The following SLC44A4 variants were observed in gnomAD, a reference collection of about 807,000 sequenced individuals.
SLC44A4 encodes the protein solute carrier family 44 member 4.
In SLC44A4, 74 loss-of-function variants were observed where a neutral mutation model predicts 97.0. The observed-to-expected ratio is 0.76, with a 90% CI of 0.63 to 0.93. The LOEUF (loss-of-function observed/expected upper bound fraction) is 0.93, where lower values mean the gene tolerates loss of function less well. Ranked by LOEUF, SLC44A4 falls within the 40% of genes least tolerant of loss-of-function variation. The pLI is 0.00. For missense variants in SLC44A4, 799 were observed against 902.9 expected (o/e 0.88, Z 1.48); for synonymous variants, 325 against 363.8 (o/e 0.89, Z 1.21).
chr6:31,874,417 A>G lies in SLC44A4; in HGVS notation c.529+43T>C. On this transcript the variant is annotated intron_variant, in intron 7 of 20. Transcript: ENST00000229729. The surrounding 1 kb of genome is among the most constrained non-coding windows in gnomAD (Gnocchi z 4.8). ...ATTTCTTCATTCAAGCAATGAAAAC[A>G]CTGGACTAGATGACGTCTGAGGAAG... is the stretch of plus-strand genomic sequence containing the variant. 6.2e-7 allele frequency: 1 copy of G among 1,601,644 alleles called. No individual in the cohort carries two copies. Among genetic ancestry groups the G allele is most frequent in the South Asian group, 1.1e-5 (1 of 90,820 alleles).
Position 31,864,826 on chromosome 6 carries a change from A to T in SLC44A4, c.1916T>A (p.Leu639Gln). Residue 639 changes from leucine (L) to glutamine (Q), a missense_variant, in exon 19 of 21, where the codon CTG becomes CAG. Physicochemically the swap from Leu to Gln is moderately radical, Grantham distance 113. Transcript: ENST00000229729. ...AGGGGAGTCACTCACCATGATGGGCAGCCAGTAATAGTTGAGGTGGGGGCT... is the reference window on the plus strand; with the variant it reads ...AGGGGAGTCACTCACCATGATGGGCTGCCAGTAATAGTTGAGGTGGGGGCT... ...FKSPHLNYYW[L>Q]PIMTSILGAY... is the part of the protein sequence containing the mutation. 2.5e-6 allele frequency: 4 copies of T among 1,614,106 alleles called. No homozygotes were observed. The South Asian group carries it at 4.4e-5, about 18-fold the overall frequency.
intron 13 of SLC44A4, among the ~76,000 whole-genome samples, chr6:31,868,572 C>T (rs1389975374): frequency 6.6e-6 from 1 of 152,166 alleles, no homozygotes; most frequent in African/African-American, 2.4e-5. Flanking sequence ...TACCTGACTA[C>T]ATCGGGGCAA....
intron 7 of SLC44A4, among the ~76,000 whole-genome samples, chr6:31,871,789 C>T (rs1763192818): frequency 6.6e-6 from 1 of 152,128 alleles, no homozygotes; most frequent in African/African-American, 2.4e-5. Flanking sequence ...TCTCCGCTGG[C>T]CTCAACTCTT....
Position 31,865,406 on chromosome 6 carries a change from G to T in SLC44A4, c.1687-18C>A. ...ATGGCGATCTGAGGGAGGTGGAAAG[G>T]TCAGAGTTACCAAGGCGAGCTGCCT... On this transcript the variant is annotated intron_variant, in intron 16 of 20. Transcript: ENST00000229729. The surrounding 1 kb of genome is among the most constrained non-coding windows in gnomAD (Gnocchi z 5.2). The T allele has an allele frequency of 6.2e-7, 1 of 1,614,026 alleles. No individual in the cohort carries two copies. Among genetic ancestry groups the T allele is most frequent in the Non-Finnish European group, 8.5e-7 (1 of 1,179,938 alleles).
intron 13 of SLC44A4, among the ~76,000 whole-genome samples, chr6:31,867,242 G>A (rs1041676309): frequency 2.0e-5 from 3 of 151,250 alleles, no homozygotes; most frequent in Non-Finnish European, 4.4e-5. Context: ...ACCATGCCTG[G>A]CTAATCAAAA....
At chr6:31,864,509 G>C in intron 20 of SLC44A4, 143 bp downstream of exon 20, 2 of 753,024 alleles carry the variant, frequency 2.7e-6, no homozygotes, top group East Asian at 5.1e-5. Flanking sequence ...CCTGGCCTCA[G>C]GATGTCACAA....
intron 11 of SLC44A4, 120 bp from the exon 12 acceptor site, chr6:31,869,757 G>A (rs1017323268): frequency 5.6e-6 from 4 of 711,618 alleles, no homozygotes; most frequent in African/African-American, 3.5e-5. Context: ...AGGCTGAGGC[G>A]GGCGGATCAC....
At chr6:31,870,101 C>CT (rs1481399412) in intron 11 of SLC44A4, among the ~76,000 whole-genome samples, 1 of 152,214 alleles carries the variant, frequency 6.6e-6, no homozygotes, top group African/African-American at 2.4e-5. Context: ...TCCTCAGGGC[C>CT]TGGTGCAGGG....
rs1272917508 is a variant in SLC44A4, at chr6:31,865,279, G to A, written c.1760+36C>T. On this transcript the variant is annotated intron_variant, in intron 17 of 20. Transcript: ENST00000229729. The surrounding 1 kb of genome is among the most constrained non-coding windows in gnomAD (Gnocchi z 5.2). ...AGCCAGCCTTGGGTGGGAGATCAGAGGAGGGAGCCACAAAGCGGGGGGGGA... is the reference window on the plus strand; with the variant it reads ...AGCCAGCCTTGGGTGGGAGATCAGAAGAGGGAGCCACAAAGCGGGGGGGGA... The A allele has an allele frequency of 6.2e-7, 1 of 1,612,446 alleles. No homozygotes were observed. The highest frequency in any genetic ancestry group is 2.2e-5 in the East Asian group (1 of 44,888).
chr6:31,874,609 C>T lies in SLC44A4; in HGVS notation c.469-89G>A. 6 of 1,567,842 alleles carry T rather than the reference C, an allele frequency of 3.8e-6. No individual in the cohort carries two copies. The highest frequency in any genetic ancestry group is 2.2e-5 in the East Asian group (1 of 44,612). ...ACCACCACCATGGGGCTCAGCCTGT[C>T]CCACACTCCCCAGGAGAGCCAACCT... On this transcript the variant is annotated intron_variant, in intron 6 of 20. Coordinates refer to ENST00000229729, the MANE Select transcript of SLC44A4 (RefSeq NM_025257.3). The surrounding 1 kb of genome is among the most constrained non-coding windows in gnomAD (Gnocchi z 4.8).
intron 4 of SLC44A4, among the ~76,000 whole-genome samples, chr6:31,875,313 C>A (rs759171469): frequency 6.6e-6 from 1 of 152,182 alleles, no homozygotes; most frequent in African/African-American, 2.4e-5. Context: ...CACCTGTTCT[C>A]GGTCTTAGTT....
At chr6:31,871,595 C>T (rs759240202) in intron 7 of SLC44A4, 34 bp from the exon 8 acceptor site, 11 of 1,551,720 alleles carry the variant, frequency 7.1e-6, no homozygotes, top group Non-Finnish European at 9.8e-6. Context: ...GGGTTGGGGG[C>T]CAGGAGCTCT....
At chr6:31,863,836 C>T in intron 20 of SLC44A4, 88 bp from the exon 21 acceptor site, 3 of 1,554,376 alleles carry the variant, frequency 1.9e-6, no homozygotes, top group South Asian at 1.2e-5. Flanking sequence ...ATTTGGAATC[C>T]AAGCTGCACC....
In SLC44A4 at chr6:31,878,921, G is replaced by T; in HGVS notation, c.40+20C>A. 1 of 1,613,550 alleles carries T rather than the reference G, an allele frequency of 6.2e-7. No individual in the cohort carries two copies. The highest frequency in any genetic ancestry group is 8.5e-7 in the Non-Finnish European group (1 of 1,179,736). On this transcript the variant is annotated intron_variant, in intron 1 of 20. Coordinates refer to ENST00000229729, the MANE Select transcript of SLC44A4 (RefSeq NM_025257.3). This position sits in a 1 kb window ranked among gnomAD's most constrained non-coding sequence, Gnocchi z 4.0. ...TCCTCCCCTCCCTCCACAGGGTCCC[G>T]GGCCTCGCCCCAGTCTCACCGTAGG...
Position 31,870,900 on chromosome 6 carries a change from C to CA in SLC44A4, c.848dup (p.Arg284AlafsTer37), listed in dbSNP as rs758227766. On this transcript the variant is annotated frameshift_variant, in exon 10 of 21. Transcript: ENST00000229729. LOFTEE classifies it high-confidence loss of function. ...GGGAGATGGAGGCGCCCTTGTCCCGCAGCACTCGGTACTCCTCCCAGCAGT... is the reference window on the plus strand; with the variant it reads ...GGGAGATGGAGGCGCCCTTGTCCCGCAAGCACTCGGTACTCCTCCCAGCAGT... 6.2e-7 allele frequency: 1 copy of CA among 1,613,040 alleles called. No individual in the cohort carries two copies. The highest frequency in any genetic ancestry group is 8.5e-7 in the Non-Finnish European group (1 of 1,180,006).
chr6:31,877,143 A>C lies in SLC44A4; in HGVS notation c.41-61T>G. On this transcript the variant is annotated intron_variant, in intron 1 of 20. Coordinates refer to ENST00000229729, the MANE Select transcript of SLC44A4 (RefSeq NM_025257.3). The surrounding 1 kb of genome is among the most constrained non-coding windows in gnomAD (Gnocchi z 6.5). ...TCTCTCTGCATATCTTGTCCTGCTGAGTCCTCCTAGCCCCAGGATCCTACC... is the reference window on the plus strand; with the variant it reads ...TCTCTCTGCATATCTTGTCCTGCTGCGTCCTCCTAGCCCCAGGATCCTACC... 2.6e-6 allele frequency: 4 copies of C among 1,538,858 alleles called. No individual in the cohort carries two copies. Among genetic ancestry groups the C allele is most frequent in the Non-Finnish European group, 3.5e-6 (4 of 1,126,812 alleles).
chr6:31,869,680 C>A (rs1387972240), intron 11 of SLC44A4, 43 bp from the exon 12 acceptor site: 1 of 1,517,770 alleles, frequency 6.6e-7, no homozygotes, highest in East Asian at 2.4e-5. Context: ...CCCCAGCTGT[C>A]CATCTTCTCA....
chr6:31,874,843 A>G lies in SLC44A4; in HGVS notation c.346T>C (p.Cys116Arg), dbSNP rs754660543. The change falls in exon 6 of 21, where the codon TGT becomes CGT. Residue 116 changes from cysteine (C) to arginine (R), a missense_variant. Cys to Arg is a radical substitution (Grantham distance 180). Transcript: ENST00000229729. This position sits in a 1 kb window ranked among gnomAD's most constrained non-coding sequence, Gnocchi z 4.8. ...GGGTCCTCCGGGCAGGAGGACACACACACCTGGGTGCAGAGAGAACACTAA... is the reference window on the plus strand; with the variant it reads ...GGGTCCTCCGGGCAGGAGGACACACGCACCTGGGTGCAGAGAGAACACTAA... ...NGLQCPTPQV[C>R]VSSCPEDPWT... 6.2e-7 allele frequency: 1 copy of G among 1,612,080 alleles called. No homozygotes were observed. The highest frequency in any genetic ancestry group is 1.1e-5 in the South Asian group (1 of 90,876).
intron 7 of SLC44A4, among the ~76,000 whole-genome samples, chr6:31,873,232 A>G (rs9267654): frequency 0.88 from 133,606 of 152,142 alleles, 58,978 homozygotes; most frequent in African/African-American, 0.97. Flanking sequence ...GTACAGTGGC[A>G]CGATCTTGGC....
Sources: allele counts gnomAD v4.1 joint callset (sites outside exome capture counted in the v4.1 genomes callset), GRCh38; gene constraint gnomAD v4.1.1; non-coding constraint Gnocchi (gnomAD v3.1); transcripts MANE v1.5; gene names NCBI Gene and HGNC (gene_info 2026-07-23, HGNC 2026-07-21).